Variants in ZRANB1 observed in about 807,000 individuals in gnomAD.
ZRANB1 encodes ubiquitin thioesterase ZRANB1.
Under a neutral mutation model 80.5 loss-of-function variants are expected in ZRANB1, and 16 were observed. The observed-to-expected ratio is 0.20, with a 90% CI of 0.13 to 0.30. ZRANB1 has a LOEUF of 0.30. ZRANB1 is among the 10% of genes least tolerant of loss of function. The pLI, the probability that ZRANB1 is intolerant of heterozygous loss-of-function variation, is 1.00. For missense variants in ZRANB1, 576 were observed against 862.6 expected (o/e 0.67, Z 4.16); for synonymous variants, 291 against 293.1 (o/e 0.99, Z 0.07).
chr10:124,971,081 C>T (rs1345272193), intron 2 of ZRANB1, among the ~76,000 whole-genome samples: 3 of 152,118 alleles, frequency 2.0e-5, no homozygotes, highest in Non-Finnish European at 2.9e-5. Context: ...GCCTCGGCCT[C>T]CCAGAGTTGG....
Position 124,986,270 on chromosome 10 carries a change from G to GACGCACGCAC in ZRANB1, c.*1280_*1281insGCACGCACAC, listed in dbSNP as rs1952031743. 1 of 80,606 alleles carries GACGCACGCAC rather than the reference G, an allele frequency of 1.2e-5. No individual in the cohort carries two copies. Among genetic ancestry groups the GACGCACGCAC allele is most frequent in the Non-Finnish European group, 2.9e-5 (1 of 35,006 alleles). 5.0% of individuals were successfully genotyped at this position (80,606 alleles called of 1,614,324 possible). A position where few individuals can be genotyped will look rare whatever the true frequency, so the allele number is the denominator to read the frequency against. On this transcript the variant is annotated 3_prime_UTR_variant, in exon 9 of 9. Coordinates refer to ENST00000359653, the MANE Select transcript of ZRANB1 (RefSeq NM_017580.3). Reference sequence around the variant, plus strand: ...GATGTGGCCAGGAATTTGGAAAGACGACACACGCACGCGCGCGCGCGCACA... The same window carrying GACGCACGCAC: ...GATGTGGCCAGGAATTTGGAAAGACGACGCACGCACACACACGCACGCGCGCGCGCGCACA...
the ZRANB1 span, among the ~76,000 whole-genome samples, chr10:124,936,116 TGGG>T: frequency 6.6e-6 from 1 of 152,036 alleles, no homozygotes; most frequent in Non-Finnish European, 1.5e-5. Flanking sequence ...ATGTGTATGT[TGGG>T]TGGTGGTGAC....
chr10:124,952,852 T>C (rs1951652650), intron 1 of ZRANB1, among the ~76,000 whole-genome samples: 1 of 152,176 alleles, frequency 6.6e-6, no homozygotes, highest in Non-Finnish European at 1.5e-5. Context: ...TCAGGTGATC[T>C]GTCCACCTTG....
chr10:124,962,690 AT>A (rs72348969), intron 1 of ZRANB1, among the ~76,000 whole-genome samples: 45,497 of 151,674 alleles, frequency 0.3, 7,369 homozygotes, highest in African/African-American at 0.42. Flanking sequence ...TTTGCTTTTT[AT>A]TTTTTTTAAC....
chr10:124,966,453 C>A, intron 1 of ZRANB1, 141 bp from the exon 2 acceptor site: 1 of 809,930 alleles, frequency 1.2e-6, no homozygotes, highest in Non-Finnish European at 1.9e-6. Context: ...ATTTTCCTTA[C>A]TCTTATAGGA....
At chr10:124,949,890 C>T (rs986999593) in intron 1 of ZRANB1, among the ~76,000 whole-genome samples, 8 of 152,120 alleles carry the variant, frequency 5.3e-5, no homozygotes, top group Admixed American at 3.9e-4. Flanking sequence ...TAATGCCTCC[C>T]GGTGCTCTGA....
chr10:124,950,758 T>C (rs761968455), intron 1 of ZRANB1, among the ~76,000 whole-genome samples: 14 of 152,160 alleles, frequency 9.2e-5, no homozygotes, highest in Non-Finnish European at 1.8e-4. Context: ...GAGGGGAGGA[T>C]CGTTTCAGCC....
chr10:124,937,734 A>G (rs4962710), upstream of ZRANB1, among the ~76,000 whole-genome samples: 125,923 of 152,156 alleles, frequency 0.83, 52,666 homozygotes, highest in East Asian at 0.95. Flanking sequence ...TGGAAAGTAT[A>G]TAATTAAAAA....
upstream of ZRANB1, chr10:124,942,040 T>A: frequency 2.2e-6 from 1 of 460,970 alleles, no homozygotes; most frequent in South Asian, 8.2e-5. Context: ...TTGAGAATGG[T>A]TATGTGTTTA....
At chr10:124,940,400 A>G (rs1951524369), upstream of ZRANB1, 3 of 762,496 alleles carry the variant, frequency 3.9e-6, no homozygotes, top group Non-Finnish European at 5.6e-6. Context: ...AGACAGAACC[A>G]CTTATCACGT....
At chr10:124,959,415 A>C (rs1951713003) in intron 1 of ZRANB1, among the ~76,000 whole-genome samples, 1 of 152,018 alleles carries the variant, frequency 6.6e-6, no homozygotes. Context: ...TTAATTCCTT[A>C]ACCTGGTTAA....
the ZRANB1 span, among the ~76,000 whole-genome samples, chr10:124,932,683 G>T: frequency 6.6e-6 from 1 of 151,592 alleles, no homozygotes; most frequent in Non-Finnish European, 1.5e-5. Flanking sequence ...AGTATGTGGT[G>T]GTATCTAATT....
At chr10:124,959,755 C>T (rs1056731795) in intron 1 of ZRANB1, among the ~76,000 whole-genome samples, 5 of 152,190 alleles carry the variant, frequency 3.3e-5, no homozygotes, top group Non-Finnish European at 5.9e-5. Context: ...CCACTGCGCC[C>T]AGCCTAGTGG....
chr10:124,937,359 T>C (rs1951497096), upstream of ZRANB1, among the ~76,000 whole-genome samples: 2 of 151,950 alleles, frequency 1.3e-5, no homozygotes, highest in South Asian at 4.1e-4. Flanking sequence ...GCAAGTTTTG[T>C]GTTTTTGGTA....
At chr10:124,959,957 A>G (rs1951720024) in intron 1 of ZRANB1, among the ~76,000 whole-genome samples, 2 of 152,166 alleles carry the variant, frequency 1.3e-5, no homozygotes, top group African/African-American at 4.8e-5. Context: ...AAAAGACTGA[A>G]GTAGAATTGG....
intron 5 of ZRANB1, among the ~76,000 whole-genome samples, chr10:124,978,731 A>G (rs575731944): frequency 4.0e-5 from 6 of 151,626 alleles, no homozygotes; most frequent in East Asian, 1.9e-4. Context: ...GGCTCAAGCA[A>G]TTCTCCCACC....
At chr10:124,963,554 G>GTTTTTTTTTTTTTTTTTTTTTTTTGTT (rs760813299) in intron 1 of ZRANB1, among the ~76,000 whole-genome samples, 1 of 57,508 alleles carries the variant, frequency 1.7e-5, no homozygotes, top group Non-Finnish European at 3.2e-5. Flanking sequence ...TTTTTTGTTT[G>GTTTTTTTTTTTTTTTTTTTTTTTTGTT]TTTTTTTTTT....
upstream of ZRANB1, among the ~76,000 whole-genome samples, chr10:124,939,729 C>T (rs1297497153): frequency 6.6e-6 from 1 of 152,030 alleles, no homozygotes; most frequent in Non-Finnish European, 1.5e-5. Flanking sequence ...TTTCTACATG[C>T]TCATTTTAAT....
intron 3 of ZRANB1, 28 bp downstream of exon 3, chr10:124,972,146 C>T (rs1388811704): frequency 1.3e-6 from 2 of 1,598,518 alleles, no homozygotes; most frequent in Non-Finnish European, 1.7e-6. Flanking sequence ...CGTAAAAAGA[C>T]TTTTTTATTT....
Sources: allele counts gnomAD v4.1 joint callset (sites outside exome capture counted in the v4.1 genomes callset), GRCh38; gene constraint gnomAD v4.1.1; transcripts MANE v1.5; gene names NCBI Gene and HGNC (gene_info 2026-07-23, HGNC 2026-07-21).